The following MDM1 variants were observed in gnomAD, a reference collection of about 807,000 sequenced individuals.
MDM1 encodes Mdm1 nuclear protein.
MDM1 carries 61 observed loss-of-function variants against 89.1 expected under a neutral mutation model. That is an observed-to-expected ratio of 0.68 (90% CI 0.56 to 0.85). The LOEUF is 0.85. Ranked by LOEUF, MDM1 falls within the 40% of genes least tolerant of loss-of-function variation. The pLI is 0.00. For missense variants in MDM1, 820 were observed against 846.5 expected (o/e 0.97, Z 0.39); for synonymous variants, 290 against 294.1 (o/e 0.99, Z 0.14).
chr12:68,306,295 A>G (rs532335165), intron 12 of MDM1, among the ~76,000 whole-genome samples: 41 of 152,306 alleles, frequency 2.7e-4, no homozygotes, highest in Admixed American at 8.5e-4. Context: ...TCAATGTAAG[A>G]CCTCAAAGTA....
In MDM1 at chr12:68,313,628, G is replaced by A. The variant is rs202247164; in HGVS notation, c.1639+16C>T. On this transcript the variant is annotated intron_variant, in intron 11 of 14. Coordinates refer to ENST00000682720, the MANE Select transcript of MDM1 (RefSeq NM_001354969.2). Reference sequence around the variant, plus strand: ...AAAGCAGGTTAAATAAGAACTGCACGGTGTTTGCCGATTACCAACAGCTGG... The same window carrying A: ...AAAGCAGGTTAAATAAGAACTGCACAGTGTTTGCCGATTACCAACAGCTGG... 2.2e-5 allele frequency: 35 copies of A among 1,608,414 alleles called. No homozygotes were observed. The Admixed American group carries it at 3.7e-4, about 17-fold the overall frequency.
intron 3 of MDM1, chr12:68,326,415 G>A (rs1421504124): frequency 2.8e-5 from 40 of 1,447,456 alleles, no homozygotes; most frequent in Middle Eastern, 2.6e-4. Flanking sequence ...AAATCCAGAC[G>A]CAGGAGGTCC....
intron 13 of MDM1, among the ~76,000 whole-genome samples, chr12:68,301,495 G>C (rs1872153989): frequency 6.6e-6 from 1 of 152,142 alleles, no homozygotes; most frequent in Admixed American, 6.5e-5. Context: ...GTTGGGTACA[G>C]TGTACACTGC....
chr12:68,323,194 G>A lies in MDM1; in HGVS notation c.680C>T (p.Ser227Leu). The A allele has an allele frequency of 6.2e-7, 1 of 1,607,660 alleles. No individual in the cohort carries two copies. The change falls in exon 5 of 15, where the codon TCA becomes TTA. Residue 227 changes from serine to leucine, a missense_variant. Physicochemically the swap from Ser to Leu is moderately radical, Grantham distance 145. Transcript: ENST00000682720. ...TTTGTATTCAGTTTCATGGATGACT[G>A]AGTTACCTTTGAATGGTGGAACAAA... ...SQFVPPFKGN[S>L]VIHETEYKRN...
At chr12:68,322,640 A>G (rs1167393980) in intron 5 of MDM1, among the ~76,000 whole-genome samples, 1 of 152,228 alleles carries the variant, frequency 6.6e-6, no homozygotes, top group African/African-American at 2.4e-5. Context: ...TCTCGAAAAA[A>G]ATAAATAAAA....
Position 68,316,131 on chromosome 12 carries a change from G to C in MDM1, c.1158C>G (p.Thr386=). Residue 386 remains threonine (T), a synonymous_variant, in exon 9 of 15, where the codon ACC becomes ACG. Transcript: ENST00000682720. ...TACTAACGGTTCCTTCTGAGCTTGT[G>C]GTTGAGGAGACATCCCAACAGCAGT... is the stretch of plus-strand genomic sequence containing the variant. The part of the protein sequence containing the change: ...DSNCCWDVSS[T]TSSEGTVSSN... 1 of 1,613,852 alleles carries C rather than the reference G, an allele frequency of 6.2e-7. No homozygotes were observed. Among genetic ancestry groups the C allele is most frequent in the Non-Finnish European group, 8.5e-7 (1 of 1,179,892 alleles).
intron 5 of MDM1, among the ~76,000 whole-genome samples, 166 bp downstream of exon 5, chr12:68,322,907 C>T (rs985435065): frequency 3.9e-5 from 6 of 152,308 alleles, no homozygotes; most frequent in African/African-American, 7.2e-5. Context: ...TTCTCAGTAC[C>T]AACCCATGTC....
chr12:68,315,870 C>T (rs1874418275), intron 9 of MDM1, among the ~76,000 whole-genome samples: 1 of 152,148 alleles, frequency 6.6e-6, no homozygotes, highest in Non-Finnish European at 1.5e-5. Flanking sequence ...ATCTAGCCTT[C>T]CAGATTTACA....
intron 12 of MDM1, among the ~76,000 whole-genome samples, chr12:68,306,917 T>A (rs572098376): frequency 6.6e-6 from 1 of 152,278 alleles, no homozygotes; most frequent in African/African-American, 2.4e-5. Context: ...ACTATTCACA[T>A]TAGCAAACTC....
chr12:68,328,220 A>G (rs1876290846), intron 2 of MDM1, among the ~76,000 whole-genome samples: 1 of 152,238 alleles, frequency 6.6e-6, no homozygotes. Flanking sequence ...AGAGATTAGA[A>G]ATAACAAAGC....
At position 68,317,350 on chromosome 12, in the gene MDM1, TA is replaced by T. The variant is rs1874634883; in HGVS notation, c.1006-741del. Among the ~76,000 whole-genome samples the T allele has an allele frequency of 8.5e-5, 13 of 152,166 alleles. No individual in the cohort carries two copies. The South Asian group carries it at 2.7e-3, about 32-fold the overall frequency. ...ATCTTTATTTAATCTCAAAAAACACTAATTTTTTAAATCATCAAGACAGAAA... is the reference window on the plus strand; with the variant it reads ...ATCTTTATTTAATCTCAAAAAACACTATTTTTTAAATCATCAAGACAGAAA... On this transcript the variant is annotated intron_variant, in intron 7 of 14. Transcript: ENST00000682720.
intron 4 of MDM1, 126 bp from the exon 5 acceptor site, chr12:68,323,366 T>A: frequency 1.6e-6 from 1 of 635,030 alleles, no homozygotes; most frequent in Non-Finnish European, 2.6e-6. Flanking sequence ...TATATGATTT[T>A]AATTTCATTT....
chr12:68,318,326 G>T (rs7315721), intron 7 of MDM1, among the ~76,000 whole-genome samples: 1,721 of 152,256 alleles, frequency 0.011, 28 homozygotes, highest in African/African-American at 0.039. Flanking sequence ...ATCCATGCAT[G>T]ATGAATGAAA....
At chr12:68,311,064 A>G (rs1873609291) in intron 12 of MDM1, among the ~76,000 whole-genome samples, 1 of 152,168 alleles carries the variant, frequency 6.6e-6, no homozygotes, top group Non-Finnish European at 1.5e-5. Flanking sequence ...CTCAAGTCCC[A>G]GTGTCCTTCC....
At chr12:68,297,461 C>T (rs2120713857) in intron 13 of MDM1, among the ~76,000 whole-genome samples, 1 of 152,308 alleles carries the variant, frequency 6.6e-6, no homozygotes, top group East Asian at 1.9e-4. Flanking sequence ...GAAGTTTAAG[C>T]CAGCAGAAGA....
chr12:68,315,997 G>A (rs1874436564), intron 9 of MDM1, 81 bp downstream of exon 9: 3 of 1,159,732 alleles, frequency 2.6e-6, no homozygotes, highest in Non-Finnish European at 3.5e-6. Context: ...ATTTTGAGTA[G>A]TCAGGTCATT....
intron 10 of MDM1, among the ~76,000 whole-genome samples, 154 bp from the exon 11 acceptor site, chr12:68,313,907 C>T (rs778169365): frequency 6.6e-6 from 1 of 152,042 alleles, no homozygotes; most frequent in Non-Finnish European, 1.5e-5. Flanking sequence ...TTTGGGAGGC[C>T]GAGGCGGGCG....
At chr12:68,311,451 CAAT>C (rs1246266363) in intron 12 of MDM1, among the ~76,000 whole-genome samples, 1 of 152,188 alleles carries the variant, frequency 6.6e-6, no homozygotes, top group Non-Finnish European at 1.5e-5. Context: ...CACCAAGAAG[CAAT>C]AAGAAGAGGT....
In MDM1 at chr12:68,326,688, G is replaced by A; in HGVS notation, c.467C>T (p.Thr156Ile). 1.2e-6 allele frequency: 2 copies of A among 1,614,112 alleles called. No individual in the cohort carries two copies. The highest frequency in any genetic ancestry group is 1.1e-5 in the South Asian group (1 of 91,080). ...VNENVELEHS[T>I]KVLSENVDNG... is the part of the protein sequence containing the mutation. ...ATCTACATTTTCTGAAAGAACCTTG[G>A]TAGAATGTTCCAGTTCCACATTTTC... The change falls in exon 3 of 15, where the codon ACC becomes ATC. Residue 156 changes from threonine (T) to isoleucine (I), a missense_variant. Coordinates refer to ENST00000682720, the MANE Select transcript of MDM1 (RefSeq NM_001354969.2).
Sources: allele counts gnomAD v4.1 joint callset (sites outside exome capture counted in the v4.1 genomes callset), GRCh38; gene constraint gnomAD v4.1.1; transcripts MANE v1.5; gene names NCBI Gene and HGNC (gene_info 2026-07-23, HGNC 2026-07-21).